Variants in EDIL3 observed in about 807,000 individuals in gnomAD.
EDIL3 encodes EGF like and discoidin domains 3, also known as EGF-like repeat and discoidin I-like domain-containing protein 3.
EDIL3 carries 37 observed loss-of-function variants against 67.4 expected under a neutral mutation model. That is an observed-to-expected ratio of 0.55 (90% CI 0.42 to 0.72). The LOEUF is 0.72. EDIL3 is among the 30% of genes least tolerant of loss of function. The pLI, the probability that EDIL3 is intolerant of heterozygous loss-of-function variation, is 0.00. For missense variants in EDIL3, 527 were observed against 586.3 expected (o/e 0.90, Z 1.04); for synonymous variants, 195 against 196.3 (o/e 0.99, Z 0.05).
At chr5:84,211,776 T>A (rs1744124237) in intron 3 of EDIL3, among the ~76,000 whole-genome samples, 2 of 152,174 alleles carry the variant, frequency 1.3e-5, no homozygotes, top group Non-Finnish European at 2.9e-5. Flanking sequence ...CCTCCAGAAC[T>A]GTGAGAATTA....
At chr5:83,962,896 A>T (rs1308171006) in intron 10 of EDIL3, among the ~76,000 whole-genome samples, 1 of 151,686 alleles carries the variant, frequency 6.6e-6, no homozygotes, top group Non-Finnish European at 1.5e-5. Flanking sequence ...CATATGTATT[A>T]TGAGAAACTA....
intron 3 of EDIL3, among the ~76,000 whole-genome samples, chr5:84,217,675 A>G (rs928013221): frequency 8.0e-5 from 12 of 150,694 alleles, no homozygotes; most frequent in African/African-American, 2.7e-4. Context: ...ACATAAGCCA[A>G]TTCCTCAAAA....
In EDIL3 at chr5:84,083,697, G is replaced by A. The variant is rs754805894; in HGVS notation, c.652-17091C>T. 5.9e-4 allele frequency among the ~76,000 whole-genome samples: 90 copies of A among 151,932 alleles called. 1 individual carries two copies. Among genetic ancestry groups the A allele is most frequent in the Admixed American group, 2.5e-3 (38 of 15,256 alleles). On this transcript the variant is annotated intron_variant, in intron 6 of 10. Transcript: ENST00000296591. ...GGTTATCTGAGTCTTAAAGTTGTCC[G>A]TTAGGTACCCTGCATCTTTAAGCCT...
chr5:84,264,607 C>T (rs1272806545), intron 1 of EDIL3, among the ~76,000 whole-genome samples: 1 of 152,156 alleles, frequency 6.6e-6, no homozygotes, highest in Non-Finnish European at 1.5e-5. Context: ...TTGAAAAATA[C>T]ACAATATAGC....
intron 4 of EDIL3, among the ~76,000 whole-genome samples, chr5:84,154,521 T>G (rs2112333082): frequency 6.6e-6 from 1 of 152,176 alleles, no homozygotes; most frequent in Middle Eastern, 3.4e-3. Context: ...ACCAATTGTT[T>G]AAAATCACGA....
intron 6 of EDIL3, among the ~76,000 whole-genome samples, chr5:84,094,812 A>C (rs1747235255): frequency 6.6e-6 from 1 of 152,242 alleles, no homozygotes; most frequent in African/African-American, 2.4e-5. Flanking sequence ...AAAATGCAGA[A>C]GGTATATGGT....
At chr5:84,012,394 A>G (rs566757219) in intron 9 of EDIL3, among the ~76,000 whole-genome samples, 29 of 152,216 alleles carry the variant, frequency 1.9e-4, no homozygotes, top group Non-Finnish European at 4.0e-4. Context: ...TATTGGCATT[A>G]TGCATGTCAC....
intron 9 of EDIL3, among the ~76,000 whole-genome samples, chr5:83,974,184 AC>A (rs1314642792): frequency 1.2e-4 from 18 of 151,884 alleles, no homozygotes; most frequent in African/African-American, 2.4e-5. Flanking sequence ...TTAGGCTAAA[AC>A]AAAAACAACA....
At chr5:84,041,182 C>T (rs957440828) in intron 9 of EDIL3, among the ~76,000 whole-genome samples, 6 of 151,288 alleles carry the variant, frequency 4.0e-5, no homozygotes, top group Admixed American at 1.3e-4. Flanking sequence ...TTTAAACGAA[C>T]ATGTTTCAAA....
At chr5:83,973,939 A>G (rs1302089489) in intron 9 of EDIL3, among the ~76,000 whole-genome samples, 2 of 152,172 alleles carry the variant, frequency 1.3e-5, no homozygotes, top group African/African-American at 2.4e-5. Context: ...ATAACTAAGT[A>G]TTAGGAGGTC....
At chr5:84,105,523 C>T (rs937393186) in intron 6 of EDIL3, among the ~76,000 whole-genome samples, 9 of 151,954 alleles carry the variant, frequency 5.9e-5, no homozygotes, top group Admixed American at 3.9e-4. Context: ...TTGTATAGTA[C>T]ACCTAATTAT....
rs1440865032 is a variant in EDIL3, at chr5:84,384,403, T to A, written c.-29A>T. On this transcript the variant is annotated 5_prime_UTR_variant, in exon 1 of 11. Coordinates refer to ENST00000296591, the MANE Select transcript of EDIL3 (RefSeq NM_005711.5). ...CCCGTCTCCCGGACGTGACCCCGGC[T>A]GGTCAGGGGTCGTCGCGGAGGGCAG... is the stretch of plus-strand genomic sequence containing the variant. 4 of 1,611,470 alleles carry A rather than the reference T, an allele frequency of 2.5e-6. No homozygotes were observed. Among genetic ancestry groups the A allele is most frequent in the Non-Finnish European group, 3.4e-6 (4 of 1,178,850 alleles).
intron 5 of EDIL3, 21 bp from the exon 6 acceptor site, chr5:84,106,851 A>C: frequency 1.3e-6 from 2 of 1,583,050 alleles, no homozygotes; most frequent in Non-Finnish European, 1.7e-6. Context: ...AAACAGGAAA[A>C]AATATGAATG....
At chr5:84,069,608 C>T (rs889494348) in intron 6 of EDIL3, among the ~76,000 whole-genome samples, 1 of 151,872 alleles carries the variant, frequency 6.6e-6, no homozygotes, top group Non-Finnish European at 1.5e-5. Flanking sequence ...ACATCTTCTG[C>T]CTTTAACCAC....
rs71607704 is a variant in EDIL3, at chr5:84,182,270, TACACACACACACACAC to T, written c.227-1765_227-1750del. ...GGTGAAACTCCACTTCTACAAAAAATACACACACACACACACACACACACACACACACACACAAATC... is the reference window on the plus strand; with the variant it reads ...GGTGAAACTCCACTTCTACAAAAAATACACACACACACACACACACAAATC... On this transcript the variant is annotated intron_variant, in intron 3 of 10. Transcript: ENST00000296591. Among the ~76,000 whole-genome samples the T allele has an allele frequency of 7.1e-4, 101 of 142,018 alleles. 1 individual carries two copies. The highest frequency in any genetic ancestry group is 2.6e-3 in the African/African-American group (99 of 37,510). The allele number at this position is 142,018 out of a possible 152,430, so 93.2% of individuals were successfully genotyped here. A position where few individuals can be genotyped will look rare whatever the true frequency, so the allele number is the denominator to read the frequency against.
intron 1 of EDIL3, among the ~76,000 whole-genome samples, chr5:84,296,672 C>T (rs1295807800): frequency 6.6e-6 from 1 of 152,116 alleles, no homozygotes; most frequent in Non-Finnish European, 1.5e-5. Flanking sequence ...AATTAGATCC[C>T]ATCTGTCAAT....
intron 2 of EDIL3, among the ~76,000 whole-genome samples, chr5:84,238,781 T>C (rs1744732761): frequency 6.7e-6 from 1 of 148,880 alleles, no homozygotes; most frequent in African/African-American, 2.5e-5. Flanking sequence ...CTGCAAAACT[T>C]GTCTCCCTAG....
At chr5:84,274,330 G>C (rs1163993794) in intron 1 of EDIL3, among the ~76,000 whole-genome samples, 2 of 151,960 alleles carry the variant, frequency 1.3e-5, no homozygotes, top group East Asian at 3.9e-4. Context: ...TTGAACTCCT[G>C]GACTCAAGCA....
chr5:84,264,051 C>T (rs1745293456), intron 1 of EDIL3, among the ~76,000 whole-genome samples: 1 of 152,110 alleles, frequency 6.6e-6, no homozygotes, highest in Non-Finnish European at 1.5e-5. Context: ...GCCTTGCCAA[C>T]ATGGTGAAAC....
Sources: gnomAD v4.1 joint callset for allele counts (sites outside exome capture counted in the v4.1 genomes callset) on GRCh38, gnomAD v4.1.1 for gene constraint, MANE v1.5 for transcripts, NCBI Gene and HGNC (gene_info 2026-07-23, HGNC 2026-07-21) for gene names.